Variants in PCP4 observed in about 807,000 individuals in gnomAD.
PCP4 encodes Purkinje cell protein 4, also known as calmodulin regulator protein PCP4.
In PCP4, 8 loss-of-function variants were observed where a neutral mutation model predicts 10.0. The ratio of observed to expected loss-of-function variants is 0.80; its 90% CI spans 0.47 to 1.45. The LOEUF (loss-of-function observed/expected upper bound fraction) is 1.45, where lower values mean the gene tolerates loss of function less well. PCP4 is among the 40% of genes most tolerant of loss of function. The pLI, the probability that PCP4 is intolerant of heterozygous loss-of-function variation, is 0.00. For missense variants in PCP4, 54 were observed against 74.4 expected, an observed-to-expected ratio of 0.73 and a Z score of 1.01; for synonymous variants, 21 against 23.0, an observed-to-expected ratio of 0.91 and a Z score of 0.24.
chr21:39,886,716 T>C (rs970649661), intron 1 of PCP4, among the ~76,000 whole-genome samples: 1 of 152,230 alleles, frequency 6.6e-6, no homozygotes, highest in Non-Finnish European at 1.5e-5. Flanking sequence ...TCTGTGAAAT[T>C]AGAAGAGTCC....
At chr21:39,913,239 A>T (rs2087549554) in intron 2 of PCP4, among the ~76,000 whole-genome samples, 1 of 47,564 alleles carries the variant, frequency 2.1e-5, no homozygotes, top group Non-Finnish European at 4.0e-5. Context: ...CTCTTAAGAT[A>T]GTGTCATTTT....
intron 2 of PCP4, among the ~76,000 whole-genome samples, chr21:39,912,545 A>AC (rs2087545375): frequency 6.6e-6 from 1 of 152,092 alleles, no homozygotes; most frequent in Admixed American, 6.5e-5. Flanking sequence ...TTAAATGGTC[A>AC]CATTTAACCA....
intron 2 of PCP4, among the ~76,000 whole-genome samples, chr21:39,920,954 C>T (rs2087594035): frequency 6.6e-6 from 1 of 152,230 alleles, no homozygotes; most frequent in African/African-American, 2.4e-5. Flanking sequence ...ACCTCACACT[C>T]TCCAGCGGCC....
chr21:39,921,061 T>C (rs1456217860), intron 2 of PCP4, among the ~76,000 whole-genome samples: 2 of 152,252 alleles, frequency 1.3e-5, no homozygotes, highest in African/African-American at 4.8e-5. Context: ...GTTTGTTCTC[T>C]GCTCTCTCCC....
intron 2 of PCP4, among the ~76,000 whole-genome samples, chr21:39,925,236 C>T (rs934404657): frequency 6.6e-6 from 1 of 152,144 alleles, no homozygotes; most frequent in Non-Finnish European, 1.5e-5. Context: ...TACATGCCTC[C>T]TTGGAGGCCC....
At chr21:39,902,018 T>C (rs927005088) in intron 2 of PCP4, among the ~76,000 whole-genome samples, 3 of 152,226 alleles carry the variant, frequency 2.0e-5, no homozygotes, top group African/African-American at 7.2e-5. Flanking sequence ...CATCTTGGAA[T>C]TTCCATTTTA....
chr21:39,871,584 T>C (rs994765562), intron 1 of PCP4, among the ~76,000 whole-genome samples: 1 of 152,232 alleles, frequency 6.6e-6, no homozygotes, highest in Non-Finnish European at 1.5e-5. Context: ...TTTAGTTTCG[T>C]TGGACAACAC....
chr21:39,915,041 G>A (rs2146346635), intron 2 of PCP4, among the ~76,000 whole-genome samples: 1 of 152,262 alleles, frequency 6.6e-6, no homozygotes, highest in South Asian at 2.1e-4. Flanking sequence ...CGTCCCTGGA[G>A]CAGGACCTGC....
chr21:39,880,130 GTATCTA>G (rs57501558), intron 1 of PCP4, among the ~76,000 whole-genome samples: 27,756 of 141,294 alleles, frequency 0.2, 2,801 homozygotes, highest in South Asian at 0.27. Flanking sequence ...ATCTATATCT[GTATCTA>G]TATCTATATC....
intron 1 of PCP4, among the ~76,000 whole-genome samples, chr21:39,891,862 C>G (rs2087433597): frequency 6.6e-6 from 1 of 152,228 alleles, no homozygotes; most frequent in African/African-American, 2.4e-5. Context: ...ACTATTTCTT[C>G]TACTGCTATC....
chr21:39,926,074 A>G (rs1258418645), intron 2 of PCP4: 3 of 454,512 alleles, frequency 6.6e-6, no homozygotes, highest in Non-Finnish European at 1.3e-5. Context: ...TTCCTTACAC[A>G]CTCCTGACTG....
chr21:39,888,337 G>C (rs2087411105), intron 1 of PCP4, among the ~76,000 whole-genome samples: 1 of 152,360 alleles, frequency 6.6e-6, no homozygotes, highest in Non-Finnish European at 1.5e-5. Flanking sequence ...AGAGGACTCA[G>C]GAACAAATAC....
chr21:39,914,573 C>CAAAAAAAAAAAAAA (rs55775259), intron 2 of PCP4, among the ~76,000 whole-genome samples: 2 of 118,922 alleles, frequency 1.7e-5, no homozygotes, highest in Non-Finnish European at 1.7e-5. Context: ...AGAGCTGTCT[C>CAAAAAAAAAAAAAA]AAAAAAAAAA....
At chr21:39,922,906 C>T (rs2251552) in intron 2 of PCP4, among the ~76,000 whole-genome samples, 55,559 of 151,990 alleles carry the variant, frequency 0.37, 10,273 homozygotes, top group East Asian at 0.47. Flanking sequence ...GCACACAGGA[C>T]GTTGAATCAT....
chr21:39,877,531 TA>T (rs397866347), intron 1 of PCP4, among the ~76,000 whole-genome samples: 5,675 of 138,308 alleles, frequency 0.041, 105 homozygotes, highest in East Asian at 0.1. Flanking sequence ...TACCAAAAAT[TA>T]AAAAAAAAAA....
intron 1 of PCP4, among the ~76,000 whole-genome samples, chr21:39,885,765 G>A (rs2087397951): frequency 6.6e-6 from 1 of 152,226 alleles, no homozygotes; most frequent in African/African-American, 2.4e-5. Context: ...ACTTTGCCCG[G>A]CTTTCTTTCC....
At chr21:39,908,897 T>G (rs2087526110) in intron 2 of PCP4, among the ~76,000 whole-genome samples, 2 of 152,214 alleles carry the variant, frequency 1.3e-5, no homozygotes, top group Non-Finnish European at 2.9e-5. Flanking sequence ...CTTCATAACC[T>G]TGAATTAAAC....
Position 39,867,804 on chromosome 21 carries a change from G to A in PCP4, c.9+294G>A, listed in dbSNP as rs1314290712. 2.6e-5 allele frequency among the ~76,000 whole-genome samples: 4 copies of A among 152,202 alleles called. No individual in the cohort carries two copies. The South Asian group carries it at 8.3e-4, about 32-fold the overall frequency. On this transcript the variant is annotated intron_variant, in intron 1 of 2. Transcript: ENST00000328619. ...TAGAGCTCAGAAGAGAAAGCCAAAT[G>A]TTTTATTCTCTTACGAAGATGCGTG...
intron 2 of PCP4, among the ~76,000 whole-genome samples, chr21:39,902,036 A>G (rs10483060): frequency 0.14 from 21,287 of 152,172 alleles, 1,786 homozygotes; most frequent in Admixed American, 0.22. Flanking sequence ...TTAACCTAGT[A>G]TTACATTCCA....
Sources: allele counts gnomAD v4.1 joint callset (sites outside exome capture counted in the v4.1 genomes callset), GRCh38; gene constraint gnomAD v4.1.1; transcripts MANE v1.5; gene names NCBI Gene and HGNC (gene_info 2026-07-23, HGNC 2026-07-21).